The following NEK1 variants were observed in gnomAD, a reference collection of about 807,000 sequenced individuals.
NEK1 encodes the protein serine/threonine-protein kinase Nek1.
Under a neutral mutation model 182.1 loss-of-function variants are expected in NEK1, and 137 were observed. The observed-to-expected ratio is 0.75, with a 90% CI of 0.65 to 0.87. The LOEUF (loss-of-function observed/expected upper bound fraction) is 0.87, where lower values mean the gene tolerates loss of function less well. NEK1 is among the 40% of genes least tolerant of loss of function. NEK1 has a pLI of 0.00. For missense variants in NEK1, 1,391 were observed against 1,494.4 expected, an observed-to-expected ratio of 0.93 and a Z score of 1.14; for synonymous variants, 513 against 492.2, an observed-to-expected ratio of 1.04 and a Z score of -0.56.
intron 5 of NEK1, among the ~76,000 whole-genome samples, chr4:169,598,198 G>C (rs1260398258): frequency 6.6e-6 from 1 of 152,098 alleles, no homozygotes; most frequent in Middle Eastern, 3.2e-3. Context: ...TTCAAACACT[G>C]ACTATGTGAT....
intron 18 of NEK1, among the ~76,000 whole-genome samples, chr4:169,542,766 T>C (rs957160875): frequency 5.3e-5 from 8 of 152,210 alleles, no homozygotes; most frequent in African/African-American, 1.7e-4. Context: ...AGCTTTTTTT[T>C]TTTCATGTTT....
intron 19 of NEK1, among the ~76,000 whole-genome samples, chr4:169,518,326 G>GTTTT (rs1212678118): frequency 2.2e-5 from 2 of 89,532 alleles, no homozygotes; most frequent in African/African-American, 6.2e-5. Context: ...ATGGTAGTTT[G>GTTTT]TATTTCTGTG....
chr4:169,542,769 T>C (rs1489152308), intron 18 of NEK1, among the ~76,000 whole-genome samples: 1 of 151,446 alleles, frequency 6.6e-6, no homozygotes, highest in East Asian at 1.9e-4. Flanking sequence ...TTTTTTTTTT[T>C]CATGTTTGTT....
chr4:169,501,223 G>A (rs2149668043), intron 23 of NEK1, among the ~76,000 whole-genome samples: 1 of 152,218 alleles, frequency 6.6e-6, no homozygotes, highest in South Asian at 2.1e-4. Flanking sequence ...ATATGTACAT[G>A]CCCAACACTT....
At chr4:169,478,058 G>A (rs576365052) in intron 24 of NEK1, among the ~76,000 whole-genome samples, 2 of 152,018 alleles carry the variant, frequency 1.3e-5, no homozygotes, top group East Asian at 3.9e-4. Flanking sequence ...TACTACAAAT[G>A]ACATAAATGT....
At chr4:169,556,364 A>C (rs1762164363) in intron 16 of NEK1, among the ~76,000 whole-genome samples, 1 of 152,172 alleles carries the variant, frequency 6.6e-6, no homozygotes. Flanking sequence ...TAAATATGGA[A>C]AAATTTGATC....
At chr4:169,609,985 G>A (rs966065487) in intron 2 of NEK1, among the ~76,000 whole-genome samples, 2 of 150,892 alleles carry the variant, frequency 1.3e-5, no homozygotes, top group Admixed American at 1.3e-4. Context: ...AGTCAAATAA[G>A]ACAGCTTTCC....
rs150375225 is a variant in NEK1 at position 169,464,374 on chromosome 4, G to C, written c.2435-979C>G. Among the ~76,000 whole-genome samples the C allele has an allele frequency of 3.6e-3, 552 of 152,266 alleles. 2 individuals carry two copies. Among genetic ancestry groups the C allele is most frequent in the Middle Eastern group, 6.8e-3 (2 of 294 alleles). On this transcript the variant is annotated intron_variant, in intron 26 of 35. Coordinates refer to ENST00000507142, the MANE Select transcript of NEK1 (RefSeq NM_001199397.3). ...ATTTTATGGGCAAAAAGAAATATCA[G>C]AAGCAGCTGAGGGATCAGAAAGGGA... is the stretch of plus-strand genomic sequence containing the variant.
At chr4:169,488,340 A>C (rs1013820587) in intron 23 of NEK1, among the ~76,000 whole-genome samples, 3 of 152,064 alleles carry the variant, frequency 2.0e-5, no homozygotes, top group Non-Finnish European at 4.4e-5. Flanking sequence ...TCTTGCGTTA[A>C]CTTTTGTATA....
At chr4:169,482,525 T>G (rs1365129666) in intron 23 of NEK1, among the ~76,000 whole-genome samples, 1 of 151,860 alleles carries the variant, frequency 6.6e-6, no homozygotes, top group Non-Finnish European at 1.5e-5. Context: ...TCATCCATGC[T>G]AGTCTCAAAC....
chr4:169,395,391 A>AT (rs150823059), intron 35 of NEK1, among the ~76,000 whole-genome samples: 1,875 of 152,212 alleles, frequency 0.012, 86 homozygotes, highest in East Asian at 0.084. Context: ...TGCCCCTATA[A>AT]TTTATGCTTT....
At chr4:169,494,398 T>C (rs1434481123) in intron 23 of NEK1, among the ~76,000 whole-genome samples, 1 of 152,214 alleles carries the variant, frequency 6.6e-6, no homozygotes, top group Admixed American at 6.5e-5. Flanking sequence ...GTTTCCAGCT[T>C]CATCCATGCC....
At chr4:169,451,498 A>G (rs912959580) in intron 27 of NEK1, among the ~76,000 whole-genome samples, 4 of 152,224 alleles carry the variant, frequency 2.6e-5, no homozygotes, top group Non-Finnish European at 5.9e-5. Flanking sequence ...AAAACCGCAC[A>G]ACTACATAGA....
rs1274572653 is a variant in NEK1 at position 169,438,101 on chromosome 4, G to A, written c.2746C>T (p.Leu916=). The A allele has an allele frequency of 1.2e-6, 2 of 1,611,172 alleles. No homozygotes were observed. Among genetic ancestry groups the A allele is most frequent in the African/African-American group, 2.7e-5 (2 of 74,868 alleles). ...SEASPQMSLK[L]EGNLEEPDDL... ...AACATACCTTCTAAATTTCCTTCCA[G>A]TTTCAATGACATCTGTGGAGATGCC... The change falls in exon 28 of 36, where the codon CTG becomes TTG. Residue 916 remains leucine (L), a synonymous_variant. Coordinates refer to ENST00000507142, the MANE Select transcript of NEK1 (RefSeq NM_001199397.3).
chr4:169,589,873 G>T (rs1768147509), intron 6 of NEK1, among the ~76,000 whole-genome samples: 2 of 151,932 alleles, frequency 1.3e-5, no homozygotes, highest in Admixed American at 1.3e-4. Flanking sequence ...TGCATCAAAG[G>T]ACACCATCAA....
chr4:169,554,049 A>G (rs1011048742), intron 18 of NEK1: 3 of 151,674 alleles, frequency 2.0e-5, no homozygotes, highest in African/African-American at 7.3e-5. Flanking sequence ...AAATGTTTGT[A>G]GAAGCTTTAT....
intron 27 of NEK1, among the ~76,000 whole-genome samples, chr4:169,456,747 A>C (rs1742961144): frequency 6.6e-6 from 1 of 152,226 alleles, no homozygotes; most frequent in Non-Finnish European, 1.5e-5. Flanking sequence ...TATCAAACAG[A>C]TATCTGCAGT....
At chr4:169,416,803 G>T (rs368829586) in intron 31 of NEK1, among the ~76,000 whole-genome samples, 6 of 152,300 alleles carry the variant, frequency 3.9e-5, no homozygotes, top group African/African-American at 1.4e-4. Flanking sequence ...TATTCAGGAG[G>T]CTGAGGCGGG....
In NEK1 at chr4:169,507,759, T is replaced by G; in HGVS notation, c.1867A>C (p.Ser623Arg). The G allele has an allele frequency of 3.1e-6, 5 of 1,613,150 alleles. No homozygotes were observed. Residue 623 changes from serine (S) to arginine (R), a missense_variant, in exon 22 of 36, where the codon AGT becomes CGT. By Grantham distance (110) the Ser-to-Arg change is moderately radical. This residue lies in a region of NEK1 where 1,216 missense variants were observed against 1,277.6 expected (regional missense o/e 0.95). Coordinates refer to ENST00000507142, the MANE Select transcript of NEK1 (RefSeq NM_001199397.3). ...TTGCGCCTCATGTCAGCCTCTTCAC[T>G]TCCTTCTTGTCCTTCAGAATGATTA... Reference protein sequence around the residue: ...EANHSEGQEGSEEADMRRKKI... With the variant: ...EANHSEGQEGREEADMRRKKI...
Sources: gnomAD v4.1 joint callset for allele counts (sites outside exome capture counted in the v4.1 genomes callset) on GRCh38, gnomAD v4.1.1 for gene constraint, gnomAD v4.1.1 regional missense constraint, MANE v1.5 for transcripts, NCBI Gene and HGNC (gene_info 2026-07-23, HGNC 2026-07-21) for gene names.